MMD: variants seen among roughly 807,000 people sequenced by gnomAD.
The protein encoded by MMD is monocyte to macrophage differentiation factor.
A neutral mutation model predicts 33.6 loss-of-function variants in MMD; 22 were observed. The ratio of observed to expected loss-of-function variants is 0.66; its 90% CI spans 0.47 to 0.94. MMD has a LOEUF of 0.94. Ranked by LOEUF, MMD falls within the 40% of genes least tolerant of loss-of-function variation. The pLI is 0.00. For synonymous variants in MMD, 97 were observed against 103.2 expected, an observed-to-expected ratio of 0.94 and a Z score of 0.36; for missense variants, 242 against 309.8, an observed-to-expected ratio of 0.78 and a Z score of 1.64.
intron 6 of MMD, among the ~76,000 whole-genome samples, chr17:55,400,891 C>A: frequency 6.6e-6 from 1 of 151,842 alleles, no homozygotes; most frequent in Non-Finnish European, 1.5e-5. Flanking sequence ...ACGAAAATCC[C>A]CAAAAGATAT....
rs1907006771 is a variant in MMD, at chr17:55,393,865, A to T, written c.*469T>A. ...CAAAAAACTAAAGTTTCTATTTAAA[A>T]AAGAACCATGTTATGCCAAGATGAA... is the stretch of plus-strand genomic sequence containing the variant. On this transcript the variant is annotated 3_prime_UTR_variant, in exon 7 of 7. Coordinates refer to ENST00000262065, the MANE Select transcript of MMD (RefSeq NM_012329.3). 6.5e-6 allele frequency: 1 copy of T among 152,764 alleles called. No individual in the cohort carries two copies. Among genetic ancestry groups the T allele is most frequent in the African/African-American group, 2.4e-5 (1 of 41,464 alleles). 9.5% of individuals were successfully genotyped at this position (152,764 alleles called of 1,614,324 possible).
At position 55,404,584 on chromosome 17, in the gene MMD, AGTG is replaced by A. The variant is rs545876546; in HGVS notation, c.345-719_345-717del. ...TTTTGACGCAGGATCAGATACCCAC[AGTG>A]GATACCTAATACACAAACCAAGTGT... is the stretch of plus-strand genomic sequence containing the variant. On this transcript the variant is annotated intron_variant, in intron 4 of 6. Coordinates refer to ENST00000262065, the MANE Select transcript of MMD (RefSeq NM_012329.3). 174 of 985,394 alleles carry A rather than the reference AGTG, an allele frequency of 1.8e-4. 2 individuals carry two copies. In the African/African-American group the frequency reaches 2.9e-3, roughly 16 times the overall value. 61.0% of individuals were successfully genotyped at this position (985,394 alleles called of 1,614,324 possible).
At chr17:55,403,964 G>C (rs1907444121) in intron 4 of MMD, 96 bp from the exon 5 acceptor site, 1 of 991,404 alleles carries the variant, frequency 1.0e-6, no homozygotes, top group African/African-American at 1.6e-5. Context: ...CTTAGGATAA[G>C]AGCAGGAAGA....
chr17:55,394,214 C>G lies in MMD; in HGVS notation c.*120G>C, dbSNP rs186755166. The G allele has an allele frequency of 3.5e-5, 26 of 743,412 alleles. No homozygotes were observed. In the Admixed American group the frequency reaches 5.3e-4, roughly 15 times the overall value. The allele number at this position is 743,412 out of a possible 1,614,324, so 46.1% of individuals were successfully genotyped here. On this transcript the variant is annotated 3_prime_UTR_variant, in exon 7 of 7. Coordinates refer to ENST00000262065, the MANE Select transcript of MMD (RefSeq NM_012329.3). ...TTTATACTTTCACAGTAATTATATT[C>G]AAAAGATATAAAGTCAGTGCAGTTA...
chr17:55,421,312 G>A (rs1047483863), intron 1 of MMD, among the ~76,000 whole-genome samples: 2 of 152,248 alleles, frequency 1.3e-5, no homozygotes, highest in African/African-American at 4.8e-5. Flanking sequence ...CCGGGGCTGG[G>A]GTTCGGGTTC....
intron 5 of MMD, among the ~76,000 whole-genome samples, chr17:55,401,935 G>A (rs1907345990): frequency 2.0e-5 from 3 of 151,962 alleles, no homozygotes; most frequent in South Asian, 2.1e-4. Context: ...AGCTGGGCGT[G>A]GCGAGCGCCT....
intron 2 of MMD, among the ~76,000 whole-genome samples, chr17:55,412,529 G>A (rs1717378664): frequency 6.6e-6 from 1 of 152,190 alleles, no homozygotes; most frequent in Non-Finnish European, 1.5e-5. Flanking sequence ...GCTCCCAGGA[G>A]AATAAACTAC....
chr17:55,400,269 C>T (rs910228424), intron 6 of MMD, among the ~76,000 whole-genome samples: 1 of 152,136 alleles, frequency 6.6e-6, no homozygotes, highest in Admixed American at 6.5e-5. Flanking sequence ...TTCTTACAGC[C>T]AGGCGTGATG....
intron 6 of MMD, among the ~76,000 whole-genome samples, chr17:55,397,737 T>G (rs1412213917): frequency 6.6e-6 from 1 of 152,002 alleles, no homozygotes; most frequent in African/African-American, 2.4e-5. Context: ...AGACAGGGTT[T>G]CACCATGTTG....
chr17:55,394,533 T>C lies in MMD; in HGVS notation c.518A>G (p.Asn173Ser). ...FSPALVVTSM[N>S]NTDGLQELAC... ...AAGTTCCTGAAGTCCATCGGTGTTG[T>C]TCTGTCAACAGAGAAAAAAAAATAA... The change falls in exon 7 of 7, where the codon AAC (asparagine) becomes AGC (serine). Residue 173 changes from asparagine (N) to serine (S), a missense_variant and splice_region_variant. By Grantham distance (46) the Asn-to-Ser change is conservative (BLOSUM62 1). Transcript: ENST00000262065. The C allele has an allele frequency of 1.4e-6, 2 of 1,481,416 alleles. No individual in the cohort carries two copies. The highest frequency in any genetic ancestry group is 2.7e-5 in the Admixed American group (1 of 37,120). The allele number at this position is 1,481,416 out of a possible 1,614,324, so 91.8% of individuals were successfully genotyped here. A position where few individuals can be genotyped will look rare whatever the true frequency, so the allele number is the denominator to read the frequency against.
At chr17:55,411,704 T>C (rs1035088552) in intron 2 of MMD, among the ~76,000 whole-genome samples, 2 of 152,156 alleles carry the variant, frequency 1.3e-5, no homozygotes, top group African/African-American at 2.4e-5. Context: ...GGTTTTTTTT[T>C]TTTATCCTAA....
intron 1 of MMD, among the ~76,000 whole-genome samples, chr17:55,415,079 C>T (rs1363490679): frequency 2.0e-5 from 3 of 152,086 alleles, no homozygotes; most frequent in African/African-American, 7.2e-5. Context: ...ACCACAGAAC[C>T]TAAAGAGAGG....
In MMD at chr17:55,409,923, G is replaced by C. The variant is rs866731989; in HGVS notation, c.269+1334C>G. 4.6e-5 allele frequency among the ~76,000 whole-genome samples: 7 copies of C among 152,336 alleles called. No homozygotes were observed. The Middle Eastern group carries it at 0.014, about 296-fold the overall frequency. On this transcript the variant is annotated intron_variant, in intron 3 of 6. Coordinates refer to ENST00000262065, the MANE Select transcript of MMD (RefSeq NM_012329.3). Reference sequence around the variant, plus strand: ...CAGTGTGTCCTAAGGAGCCAGGACAGGCACTTTTGTGGTTCTCTTGTGAGT... The same window carrying C: ...CAGTGTGTCCTAAGGAGCCAGGACACGCACTTTTGTGGTTCTCTTGTGAGT...
Position 55,393,897 on chromosome 17 carries a change from T to C in MMD, c.*437A>G, listed in dbSNP as rs114158015. ...CATGTTATGCCAAGATGAAACATGGTAAAAAGTAGTGTAAGTTCTGTCCAT... is the reference window on the plus strand; with the variant it reads ...CATGTTATGCCAAGATGAAACATGGCAAAAAGTAGTGTAAGTTCTGTCCAT... On this transcript the variant is annotated 3_prime_UTR_variant, in exon 7 of 7. Transcript: ENST00000262065. 1,006 of 153,120 alleles carry C rather than the reference T, an allele frequency of 6.6e-3. 9 individuals are homozygous for C. Among genetic ancestry groups the C allele is most frequent in the African/African-American group, 0.023 (947 of 41,568 alleles). The allele number at this position is 153,120 out of a possible 1,614,324, so 9.5% of individuals were successfully genotyped here.
intron 2 of MMD, among the ~76,000 whole-genome samples, chr17:55,412,146 A>G (rs535210812): frequency 3.3e-5 from 5 of 152,334 alleles, no homozygotes; most frequent in South Asian, 2.1e-4. Context: ...TCCTATTGCA[A>G]TTGAAATCTC....
chr17:55,400,020 G>C (rs1907263939), intron 6 of MMD, among the ~76,000 whole-genome samples: 1 of 152,110 alleles, frequency 6.6e-6, no homozygotes, highest in African/African-American at 2.4e-5. Flanking sequence ...CTTCAAGGCT[G>C]ATTTTCTCAT....
chr17:55,401,845 G>A (rs1203098898), intron 5 of MMD, among the ~76,000 whole-genome samples: 1 of 152,112 alleles, frequency 6.6e-6, no homozygotes, highest in Admixed American at 6.5e-5. Context: ...AAGCCGAGGC[G>A]GGCGGATCAC....
intron 4 of MMD, chr17:55,404,829 A>C (rs1328861006): frequency 1.2e-6 from 1 of 865,080 alleles, no homozygotes; most frequent in African/African-American, 1.8e-5. Flanking sequence ...TGGGAGGCCA[A>C]GGCAGGCAGA....
intron 6 of MMD, among the ~76,000 whole-genome samples, chr17:55,399,613 A>G (rs575580033): frequency 3.4e-4 from 52 of 152,130 alleles, no homozygotes; most frequent in African/African-American, 1.2e-3. Flanking sequence ...CACCCCTACC[A>G]TCTCTCAGCT....
Sources: gnomAD v4.1 joint callset for allele counts (sites outside exome capture counted in the v4.1 genomes callset) on GRCh38, gnomAD v4.1.1 for gene constraint, MANE v1.5 for transcripts, NCBI Gene and HGNC (gene_info 2026-07-23, HGNC 2026-07-21) for gene names.